The following CFD variants were observed in gnomAD, a reference collection of about 807,000 sequenced individuals.
The protein encoded by CFD is complement factor D, also known as C3 convertase activator.
In CFD, 24 loss-of-function variants were observed where a neutral mutation model predicts 21.1. That is an observed-to-expected ratio of 1.14 (90% CI 0.82 to 1.60). The LOEUF is 1.60. CFD is among the 40% of genes most tolerant of loss of function. CFD has a pLI of 0.00. For synonymous variants in CFD, 242 were observed against 175.9 expected, an observed-to-expected ratio of 1.38 and a Z score of -2.97; for missense variants, 535 against 383.3, an observed-to-expected ratio of 1.40 and a Z score of -3.31.
intron 3 of CFD, 86 bp from the exon 4 acceptor site, chr19:861,613 C>T: frequency 6.7e-6 from 10 of 1,495,458 alleles, no homozygotes; most frequent in Admixed American, 2.0e-5. Flanking sequence ...TGCCCACCTC[C>T]CCCGTCCCGT....
At position 860,937 on chromosome 19, in the gene CFD, G is replaced by T. The variant is rs778061443; in HGVS notation, c.289G>T (p.Val97Leu). 2.5e-6 allele frequency: 4 copies of T among 1,601,260 alleles called. No individual in the cohort carries two copies. Among genetic ancestry groups the T allele is most frequent in the Admixed American group, 1.7e-5 (1 of 59,840 alleles). Reference sequence around the variant, plus strand: ...GGAGCCCTCCAAGCGCCTGTACGACGTGCTCCGCGCAGTGCCCCACCCGGA... The same window carrying T: ...GGAGCCCTCCAAGCGCCTGTACGACTTGCTCCGCGCAGTGCCCCACCCGGA... ...QPEPSKRLYDVLRAVPHPDSQ... is the reference protein window; with the variant it reads ...QPEPSKRLYDLLRAVPHPDSQ... The change falls in exon 3 of 5, where the codon GTG becomes TTG. Residue 97 changes from valine to leucine, a missense_variant. Coordinates refer to ENST00000327726, the MANE Select transcript of CFD (RefSeq NM_001928.4).
At chr19:860,210 A>T (rs1362114995) in intron 1 of CFD, among the ~76,000 whole-genome samples, 2 of 147,854 alleles carry the variant, frequency 1.4e-5, no homozygotes, top group Non-Finnish European at 3.0e-5. Context: ...TTTTTTTTTG[A>T]TAGGGAGTCT....
In CFD at chr19:863,336, C is replaced by G; in HGVS notation, c.*98C>G. The G allele has an allele frequency of 1.4e-6, 2 of 1,423,746 alleles. No individual in the cohort carries two copies. Among genetic ancestry groups the G allele is most frequent in the South Asian group, 1.2e-5 (1 of 81,732 alleles). The allele number at this position is 1,423,746 out of a possible 1,614,324, so 88.2% of individuals were successfully genotyped here. A position where few individuals can be genotyped will look rare whatever the true frequency, so the allele number is the denominator to read the frequency against. ...CTGGTTGGTCTTTATTGAGCACCTACTATATGCAGAAGGGGAGGCCGAGGT... is the reference window on the plus strand; with the variant it reads ...CTGGTTGGTCTTTATTGAGCACCTAGTATATGCAGAAGGGGAGGCCGAGGT... On this transcript the variant is annotated 3_prime_UTR_variant, in exon 5 of 5. Transcript: ENST00000327726.
In CFD at chr19:859,669, C is replaced by T. The variant is rs769363207; in HGVS notation, c.-21C>T. 9 of 1,556,616 alleles carry T rather than the reference C, an allele frequency of 5.8e-6. 1 individual carries two copies. In the South Asian group the frequency reaches 9.5e-5, roughly 16 times the overall value. ...CCCAGGGCCCTGCCTGGGTCAGTGT[C>T]TCAGCCACAGCGGCTTCACCATGCA... On this transcript the variant is annotated 5_prime_UTR_variant, in exon 1 of 5. Coordinates refer to ENST00000327726, the MANE Select transcript of CFD (RefSeq NM_001928.4).
intron 1 of CFD, 35 bp downstream of exon 1, chr19:859,779 C>A (rs1023274077): frequency 4.6e-6 from 7 of 1,513,904 alleles, no homozygotes; most frequent in Non-Finnish European, 6.3e-6. Flanking sequence ...AGGGACAGGG[C>A]TGTGTAGGGG....
chr19:863,078 T>C lies in CFD; in HGVS notation c.616-14T>C. ...GCGCGGGCCGCCCCTCACGGCCCCG[T>C]CCTGTTCCGGCAGGGTGACTCCGGG... On this transcript the variant is annotated splice_polypyrimidine_tract_variant and intron_variant, in intron 4 of 4. Coordinates refer to ENST00000327726, the MANE Select transcript of CFD (RefSeq NM_001928.4). The C allele has an allele frequency of 6.6e-7, 1 of 1,517,580 alleles. No individual in the cohort carries two copies. The highest frequency in any genetic ancestry group is 8.8e-7 in the Non-Finnish European group (1 of 1,133,508). The allele number at this position is 1,517,580 out of a possible 1,614,324, so 94.0% of individuals were successfully genotyped here. A position where few individuals can be genotyped will look rare whatever the true frequency, so the allele number is the denominator to read the frequency against.
chr19:862,575 G>C (rs1032758311), intron 4 of CFD, among the ~76,000 whole-genome samples: 2 of 151,676 alleles, frequency 1.3e-5, no homozygotes, highest in Non-Finnish European at 2.9e-5. Flanking sequence ...GTGCGGAGCG[G>C]GATCCCTGCT....
chr19:861,687 C>T lies in CFD; in HGVS notation c.358-12C>T, dbSNP rs774853347. 3.8e-6 allele frequency: 6 copies of T among 1,595,590 alleles called. No homozygotes were observed. Among genetic ancestry groups the T allele is most frequent in the Non-Finnish European group, 5.1e-6 (6 of 1,174,064 alleles). ...CCCGCACCCCAACCCTGACGTCCGC[C>T]TCCACCCTCAGCTGTCGGAGAAGGC... On this transcript the variant is annotated splice_polypyrimidine_tract_variant and intron_variant, in intron 3 of 4. Transcript: ENST00000327726.
At chr19:861,082 C>T (rs1599300758) in intron 3 of CFD, 77 bp downstream of exon 3, 5 of 1,476,492 alleles carry the variant, frequency 3.4e-6, no homozygotes, top group Non-Finnish European at 4.6e-6. Context: ...GCCTACACCG[C>T]GCCCCGGGTC....
Position 860,708 on chromosome 19 carries a change from C to A in CFD, c.147C>A (p.His49Gln), listed in dbSNP as rs774281696. The A allele has an allele frequency of 3.8e-6, 6 of 1,559,112 alleles. No homozygotes were observed. The South Asian group carries it at 6.9e-5, about 18-fold the overall frequency. Residue 49 changes from histidine (H) to glutamine (Q), a missense_variant, in exon 2 of 5, where the codon CAC (histidine) becomes CAA (glutamine). Physicochemically the swap from His to Gln is conservative, Grantham distance 24 (BLOSUM62 0). Coordinates refer to ENST00000327726, the MANE Select transcript of CFD (RefSeq NM_001928.4). ...YMASVQLNGA[H>Q]LCGGVLVAEQ... ...CGTCGGTGCAGCTGAACGGCGCGCACCTGTGCGGCGGCGTCCTGGTGGCGG... is the reference window on the plus strand; with the variant it reads ...CGTCGGTGCAGCTGAACGGCGCGCAACTGTGCGGCGGCGTCCTGGTGGCGG...
In CFD at chr19:860,609, A is replaced by G; in HGVS notation, c.56-8A>G. 1 of 1,434,058 alleles carries G rather than the reference A, an allele frequency of 7.0e-7. No individual in the cohort carries two copies. Among genetic ancestry groups the G allele is most frequent in the Non-Finnish European group, 9.1e-7 (1 of 1,101,430 alleles). The allele number at this position is 1,434,058 out of a possible 1,614,324, so 88.8% of individuals were successfully genotyped here. On this transcript the variant is annotated splice_region_variant and splice_polypyrimidine_tract_variant and intron_variant, in intron 1 of 4. Transcript: ENST00000327726. ...CCCCGCGGCCCTCACGCGCCCGCCCACCCACAGCGGCGCCGCCCCGTGGTC... is the reference window on the plus strand; with the variant it reads ...CCCCGCGGCCCTCACGCGCCCGCCCGCCCACAGCGGCGCCGCCCCGTGGTC...
chr19:863,246 G>A lies in CFD; in HGVS notation c.*8G>A, dbSNP rs371290415. On this transcript the variant is annotated 3_prime_UTR_variant, in exon 5 of 5. Transcript: ENST00000327726. ...GACAGCGTCCTGGCCTAGGGTGCCGGGGCCTGAAGGTCAGGGTCACCCAAG... is the reference window on the plus strand; with the variant it reads ...GACAGCGTCCTGGCCTAGGGTGCCGAGGCCTGAAGGTCAGGGTCACCCAAG... The A allele has an allele frequency of 1.3e-6, 2 of 1,547,216 alleles. No homozygotes were observed. The highest frequency in any genetic ancestry group is 1.4e-5 in the African/African-American group (1 of 73,954).
chr19:862,131 T>G (rs2035806995), intron 4 of CFD, among the ~76,000 whole-genome samples, 175 bp downstream of exon 4: 1 of 96,888 alleles, frequency 1.0e-5, no homozygotes. Flanking sequence ...GCGGGGCCTG[T>G]ATGAGGGGGC....
chr19:860,092 C>G (rs1448257244), intron 1 of CFD, among the ~76,000 whole-genome samples: 1 of 152,136 alleles, frequency 6.6e-6, no homozygotes, highest in Non-Finnish European at 1.5e-5. Flanking sequence ...CCCCCGGTCC[C>G]CAGCCCACTG....
In CFD at chr19:860,620, C is replaced by T. The variant is rs755875279; in HGVS notation, c.59C>T (p.Ala20Val). The T allele has an allele frequency of 9.7e-6, 14 of 1,448,962 alleles. No individual in the cohort carries two copies. The highest frequency in any genetic ancestry group is 1.4e-5 in the South Asian group (1 of 72,690). 89.8% of individuals were successfully genotyped at this position (1,448,962 alleles called of 1,614,324 possible). A position where few individuals can be genotyped will look rare whatever the true frequency, so the allele number is the denominator to read the frequency against. Residue 20 changes from alanine to valine, a missense_variant, in exon 2 of 5, where the codon GCG (alanine) becomes GTG (valine). Coordinates refer to ENST00000327726, the MANE Select transcript of CFD (RefSeq NM_001928.4). ...LVLLGAAACA[A>V]PPRGRILGGR... ...TCACGCGCCCGCCCACCCACAGCGG[C>T]GCCGCCCCGTGGTCGGATCCTGGGC...
chr19:859,683 C>A lies in CFD; in HGVS notation c.-7C>A. 6.4e-7 allele frequency: 1 copy of A among 1,564,476 alleles called. No homozygotes were observed. Reference sequence around the variant, plus strand: ...TGGGTCAGTGTCTCAGCCACAGCGGCTTCACCATGCACAGCTGGGAGCGCC... The same window carrying A: ...TGGGTCAGTGTCTCAGCCACAGCGGATTCACCATGCACAGCTGGGAGCGCC... On this transcript the variant is annotated 5_prime_UTR_variant, in exon 1 of 5. Transcript: ENST00000327726.
At position 860,966 on chromosome 19, in the gene CFD, C is replaced by A; in HGVS notation, c.318C>A (p.Ser106Arg). Residue 106 changes from serine (S) to arginine (R), a missense_variant, in exon 3 of 5, where the codon AGC (serine) becomes AGA (arginine). Physicochemically the swap from Ser to Arg is moderately radical, Grantham distance 110. Transcript: ENST00000327726. The part of the protein sequence containing the change: ...DVLRAVPHPD[S>R]QPDTIDHDLL... ...TCCGCGCAGTGCCCCACCCGGACAG[C>A]CAGCCCGACACCATCGACCACGACC... 1 of 1,600,274 alleles carries A rather than the reference C, an allele frequency of 6.2e-7. No homozygotes were observed. Among genetic ancestry groups the A allele is most frequent in the Non-Finnish European group, 8.5e-7 (1 of 1,179,556 alleles).
At chr19:860,432 C>A (rs953533861) in intron 1 of CFD, among the ~76,000 whole-genome samples, 185 bp from the exon 2 acceptor site, 1 of 147,656 alleles carries the variant, frequency 6.8e-6, no homozygotes, top group Non-Finnish European at 1.5e-5. Flanking sequence ...TGATCTGCAC[C>A]CCCCCCTCCC....
intron 1 of CFD, among the ~76,000 whole-genome samples, chr19:860,305 C>G (rs376906953): frequency 2.0e-5 from 3 of 152,062 alleles, no homozygotes; most frequent in African/African-American, 7.2e-5. Flanking sequence ...ATTCTCCTGC[C>G]TCAGCCTTCC....
Sources: gnomAD v4.1 joint callset for allele counts (sites outside exome capture counted in the v4.1 genomes callset) on GRCh38, gnomAD v4.1.1 for gene constraint, MANE v1.5 for transcripts, NCBI Gene and HGNC (gene_info 2026-07-23, HGNC 2026-07-21) for gene names.